Variants in TMEM229B observed in about 807,000 individuals in gnomAD.
TMEM229B encodes transmembrane protein 229B, also known as chromosome 14 open reading frame 83.
TMEM229B carries 6 observed loss-of-function variants against 13.7 expected under a neutral mutation model. The observed-to-expected ratio is 0.44, with a 90% CI of 0.24 to 0.86. The LOEUF is 0.86. Among genes scored for constraint, TMEM229B ranks in the 40% least tolerant of loss-of-function variants. TMEM229B has a pLI of 0.23. For synonymous variants in TMEM229B, 107 were observed against 102.1 expected, an observed-to-expected ratio of 1.05 and a Z score of -0.29; for missense variants, 170 against 236.0, an observed-to-expected ratio of 0.72 and a Z score of 1.83.
At chr14:67,487,863 A>G (rs1318699758) in intron 1 of TMEM229B, among the ~76,000 whole-genome samples, 3 of 151,210 alleles carry the variant, frequency 2.0e-5, no homozygotes, top group Non-Finnish European at 2.9e-5. Flanking sequence ...CTCTTGGCCA[A>G]CCCTCCCACC....
At chr14:67,515,913 A>G (rs966098256), upstream of TMEM229B, among the ~76,000 whole-genome samples, 3 of 152,264 alleles carry the variant, frequency 2.0e-5, no homozygotes, top group Non-Finnish European at 2.9e-5. Context: ...ACTGAGGCCT[A>G]TGGAAGTTAA....
chr14:67,513,884 G>T (rs530833110), intron 1 of TMEM229B, among the ~76,000 whole-genome samples: 7 of 152,310 alleles, frequency 4.6e-5, no homozygotes, highest in African/African-American at 1.7e-4. Context: ...TGTTCCTGGA[G>T]ACATAAGGCC....
intron 1 of TMEM229B, among the ~76,000 whole-genome samples, chr14:67,508,414 G>A (rs559513578): frequency 3.9e-5 from 6 of 152,152 alleles, no homozygotes; most frequent in Non-Finnish European, 8.8e-5. Flanking sequence ...AAAACTAAAA[G>A]CCAAAAAACT....
intron 1 of TMEM229B, among the ~76,000 whole-genome samples, chr14:67,524,822 G>A (rs2033343402): frequency 6.6e-6 from 1 of 152,112 alleles, no homozygotes; most frequent in South Asian, 2.1e-4. Flanking sequence ...AAGATGTGAG[G>A]CCCCTCTGAT....
chr14:67,530,981 G>A (rs2033434915), intron 1 of TMEM229B, among the ~76,000 whole-genome samples: 1 of 152,202 alleles, frequency 6.6e-6, no homozygotes, highest in South Asian at 2.1e-4. Flanking sequence ...CAGTTGACAA[G>A]TCCCCATCCC....
chr14:67,527,394 C>T (rs2033384452), intron 1 of TMEM229B, among the ~76,000 whole-genome samples: 1 of 152,096 alleles, frequency 6.6e-6, no homozygotes, highest in South Asian at 2.1e-4. Context: ...GCCGATATCG[C>T]ACCATTGCAC....
At chr14:67,480,893 CA>C (rs2031545796) in intron 2 of TMEM229B, among the ~76,000 whole-genome samples, 1 of 152,178 alleles carries the variant, frequency 6.6e-6, no homozygotes, top group African/African-American at 2.4e-5. Context: ...TCCCCAACCC[CA>C]GCAAGTAACT....
Position 67,471,082 on chromosome 14 carries a change from C to T in TMEM229B, c.*2338G>A, listed in dbSNP as rs1306527884. 2.6e-5 allele frequency: 4 copies of T among 152,378 alleles called. No homozygotes were observed. In the South Asian group the frequency reaches 8.3e-4, roughly 32 times the overall value. The allele number at this position is 152,378 out of a possible 1,614,324, so 9.4% of individuals were successfully genotyped here. On this transcript the variant is annotated 3_prime_UTR_variant, in exon 3 of 3. Coordinates refer to ENST00000554480, the MANE Select transcript of TMEM229B (RefSeq NM_001348543.2). ...AGGTTTGATGCCTTATGAGGGGCAA[C>T]TGGAGAAATGGGACACCTAGATGGA...
intron 1 of TMEM229B, among the ~76,000 whole-genome samples, chr14:67,505,088 C>A (rs542209204): frequency 3.0e-4 from 45 of 152,172 alleles, no homozygotes; most frequent in Admixed American, 9.8e-4. Context: ...CAGATGAACA[C>A]CAAGGTGCAC....
intron 1 of TMEM229B, among the ~76,000 whole-genome samples, chr14:67,527,167 G>T (rs2033380532): frequency 6.6e-6 from 1 of 152,232 alleles, no homozygotes; most frequent in Admixed American, 6.5e-5. Flanking sequence ...GGCAAGACCT[G>T]AGTGGCTAAA....
At chr14:67,527,896 C>T (rs2033391740) in intron 1 of TMEM229B, among the ~76,000 whole-genome samples, 1 of 152,140 alleles carries the variant, frequency 6.6e-6, no homozygotes, top group African/African-American at 2.4e-5. Flanking sequence ...TTCCTGTCAG[C>T]GAAAGTAGTG....
At chr14:67,480,319 G>A (rs1457728150) in intron 2 of TMEM229B, among the ~76,000 whole-genome samples, 1 of 152,092 alleles carries the variant, frequency 6.6e-6, no homozygotes, top group Non-Finnish European at 1.5e-5. Context: ...AAGAAATCGG[G>A]TGGCAATAAT....
chr14:67,491,554 G>C (rs534351315), upstream of TMEM229B, among the ~76,000 whole-genome samples: 8 of 152,272 alleles, frequency 5.3e-5, no homozygotes, highest in African/African-American at 1.7e-4. Flanking sequence ...AAATTTCAAG[G>C]GTTTTAGGAG....
In TMEM229B at chr14:67,503,104, G is replaced by A. The variant is rs907232891; in HGVS notation, c.-192+11982C>T. On this transcript the variant is annotated intron_variant, in intron 1 of 2. Transcript: ENST00000357461. ...CAAGCAGATAGTGGCGCTGCACGGA[G>A]AGATCAGGATCTGTGTTTGCCAACT... Among the ~76,000 whole-genome samples the A allele has an allele frequency of 2.0e-5, 3 of 152,158 alleles. No individual in the cohort carries two copies. In the South Asian group the frequency reaches 6.2e-4, roughly 32 times the overall value.
chr14:67,506,737 A>T (rs568277122), intron 1 of TMEM229B, among the ~76,000 whole-genome samples: 15 of 152,296 alleles, frequency 9.8e-5, no homozygotes, highest in Admixed American at 3.3e-4. Flanking sequence ...TGTAATCCCA[A>T]CACTTTGGGA....
intron 1 of TMEM229B, among the ~76,000 whole-genome samples, chr14:67,521,849 C>T (rs565997738): frequency 3.4e-4 from 51 of 152,148 alleles, no homozygotes; most frequent in Non-Finnish European, 6.3e-4. Context: ...TAACTGTGAT[C>T]GTAAGTCTTT....
intron 2 of TMEM229B, among the ~76,000 whole-genome samples, chr14:67,480,092 C>CGTACATAT (rs2031492001): frequency 6.6e-6 from 1 of 152,156 alleles, no homozygotes; most frequent in South Asian, 2.1e-4. Flanking sequence ...CGAATGAACT[C>CGTACATAT]GTACATATAC....
At chr14:67,523,985 G>A (rs1349095903) in intron 1 of TMEM229B, among the ~76,000 whole-genome samples, 3 of 82,844 alleles carry the variant, frequency 3.6e-5, no homozygotes, top group Non-Finnish European at 8.0e-5. Context: ...GAACACAGAG[G>A]GGATGAATCC....
intron 1 of TMEM229B, among the ~76,000 whole-genome samples, chr14:67,510,098 G>C (rs2032978281): frequency 6.6e-6 from 1 of 152,176 alleles, no homozygotes; most frequent in Admixed American, 6.5e-5. Context: ...TATGATATGG[G>C]TGATCACTTT....
Sources: gnomAD v4.1 joint callset for allele counts (sites outside exome capture counted in the v4.1 genomes callset) on GRCh38, gnomAD v4.1.1 for gene constraint, MANE v1.5 for transcripts, NCBI Gene and HGNC (gene_info 2026-07-23, HGNC 2026-07-21) for gene names.